PACS1: variants seen among roughly 807,000 people sequenced by gnomAD.
PACS1 encodes PACS-1.
In PACS1, 24 loss-of-function variants were observed where a neutral mutation model predicts 115.0. The observed-to-expected ratio is 0.21, with a 90% CI of 0.15 to 0.29. The LOEUF (loss-of-function observed/expected upper bound fraction) is 0.29. Ranked by LOEUF, PACS1 falls within the 10% of genes least tolerant of loss-of-function variation. PACS1 has a pLI of 1.00. For synonymous variants in PACS1, 453 were observed against 504.5 expected, an observed-to-expected ratio of 0.90 and a Z score of 1.37; for missense variants, 838 against 1,251.2, an observed-to-expected ratio of 0.67 and a Z score of 4.98.
intron 1 of PACS1, among the ~76,000 whole-genome samples, chr11:66,128,607 G>A (rs1280919781): frequency 6.6e-6 from 1 of 152,128 alleles, no homozygotes; most frequent in Non-Finnish European, 1.5e-5. Context: ...GTGAGGGCTG[G>A]GCACAGTGGC....
In PACS1 at chr11:66,236,380, C is replaced by T. The variant is rs746015935; in HGVS notation, c.2250+440C>T. Among the ~76,000 whole-genome samples, 10 of 152,190 alleles carry T rather than the reference C, an allele frequency of 6.6e-5. No individual in the cohort carries two copies. Among genetic ancestry groups the T allele is most frequent in the South Asian group, 2.1e-4 (1 of 4,834 alleles). ...GGGAGTGATGTCCAGACGTGGCTCA[C>T]GGGAAAGGGAGCTGCTTTGGTAGTA... is the stretch of plus-strand genomic sequence containing the variant. On this transcript the variant is annotated intron_variant, in intron 19 of 23. Transcript: ENST00000320580. This position sits in a 1 kb window ranked among gnomAD's most constrained non-coding sequence, Gnocchi z 4.2.
At position 66,070,370 on chromosome 11, in the gene PACS1, C is replaced by G; in HGVS notation, c.-117C>G. 2 of 521,682 alleles carry G rather than the reference C, an allele frequency of 3.8e-6. No homozygotes were observed. The highest frequency in any genetic ancestry group is 6.4e-4 in the Middle Eastern group (1 of 1,562). The allele number at this position is 521,682 out of a possible 1,614,324, so 32.3% of individuals were successfully genotyped here. ...GCGTGCGTGCAGCTCGCTGGCTGCT[C>G]GCGCTCGGGCAGGCGGGCTGAGGAG... is the stretch of plus-strand genomic sequence containing the variant. On this transcript the variant is annotated 5_prime_UTR_variant, in exon 1 of 24. Transcript: ENST00000320580. This position sits in a 1 kb window ranked among gnomAD's most constrained non-coding sequence, Gnocchi z 5.9.
intron 10 of PACS1, among the ~76,000 whole-genome samples, chr11:66,227,073 A>C (rs1855482774): frequency 6.6e-6 from 1 of 152,176 alleles, no homozygotes; most frequent in Admixed American, 6.5e-5. Flanking sequence ...GCTACCATGG[A>C]TGTCTTTAGT....
intron 11 of PACS1, among the ~76,000 whole-genome samples, chr11:66,228,887 TC>T (rs1299401998): frequency 2.6e-5 from 4 of 152,140 alleles, no homozygotes; most frequent in Non-Finnish European, 5.9e-5. Flanking sequence ...AGTTATGCCC[TC>T]AGTAAACATT....
intron 1 of PACS1, among the ~76,000 whole-genome samples, chr11:66,161,891 G>A (rs1199693127): frequency 6.6e-6 from 1 of 152,136 alleles, no homozygotes; most frequent in Non-Finnish European, 1.5e-5. Flanking sequence ...GATTCCAGGA[G>A]GAATGTGATG....
intron 1 of PACS1, among the ~76,000 whole-genome samples, chr11:66,169,144 CTAA>C (rs1859680689): frequency 6.6e-6 from 1 of 150,492 alleles, no homozygotes; most frequent in Non-Finnish European, 1.5e-5. Context: ...AGAGAACATT[CTAA>C]TGTTTCACTA....
intron 1 of PACS1, among the ~76,000 whole-genome samples, chr11:66,120,176 C>G (rs1799720739): frequency 7.9e-6 from 1 of 126,806 alleles, no homozygotes; most frequent in African/African-American, 3.0e-5. Context: ...GAGACAGAGT[C>G]TCGCTCTGTT....
intron 2 of PACS1, 78 bp from the exon 3 acceptor site, chr11:66,210,284 C>T: frequency 1.8e-6 from 2 of 1,083,502 alleles, no homozygotes; most frequent in Non-Finnish European, 2.9e-6. Flanking sequence ...AGTCCTTCTG[C>T]CTCAGCCTCC....
chr11:66,134,476 A>G (rs571254160), intron 1 of PACS1, among the ~76,000 whole-genome samples: 4 of 151,524 alleles, frequency 2.6e-5, no homozygotes, highest in East Asian at 1.9e-4. Context: ...CCCTACTTCT[A>G]GGATCCAAAT....
At chr11:66,096,123 G>A (rs1404263096) in intron 1 of PACS1, among the ~76,000 whole-genome samples, 2 of 151,444 alleles carry the variant, frequency 1.3e-5, no homozygotes, top group Non-Finnish European at 2.9e-5. Context: ...TAGTAGAGAC[G>A]GGGTTTTGCC....
At chr11:66,075,011 C>T (rs1022431766) in intron 1 of PACS1, among the ~76,000 whole-genome samples, 1 of 127,922 alleles carries the variant, frequency 7.8e-6, no homozygotes, top group African/African-American at 3.0e-5. Flanking sequence ...GGTGCAATCT[C>T]GGCTCACTGC....
intron 10 of PACS1, 104 bp downstream of exon 10, chr11:66,221,351 A>G: frequency 9.8e-7 from 1 of 1,020,890 alleles, no homozygotes; most frequent in South Asian, 1.3e-5. Flanking sequence ...GTGACCTTAG[A>G]AAAGTGGCCC....
Position 66,216,560 on chromosome 11 carries a change from A to T in PACS1, c.846A>T (p.Glu282Asp). 3 of 1,614,114 alleles carry T rather than the reference A, an allele frequency of 1.9e-6. No homozygotes were observed. The highest frequency in any genetic ancestry group is 2.5e-6 in the Non-Finnish European group (3 of 1,179,958). Residue 282 changes from glutamate (E) to aspartate (D), a missense_variant, in exon 6 of 24, where the codon GAA becomes GAT. Physicochemically the swap from Glu to Asp is conservative, Grantham distance 45. This residue lies in a region of PACS1 where 223 missense variants were observed against 354.0 expected (regional missense o/e 0.63). Coordinates refer to ENST00000320580, the MANE Select transcript of PACS1 (RefSeq NM_018026.4). ...PDIDNYSEEE[E>D]ESFSSEQEGS... Reference sequence around the variant, plus strand: ...TTGACAATTATTCTGAGGAAGAGGAAGAGAGTTTCTCATCAGAACAGGAAG... The same window carrying T: ...TTGACAATTATTCTGAGGAAGAGGATGAGAGTTTCTCATCAGAACAGGAAG...
chr11:66,243,784 G>C lies in PACS1; in HGVS notation c.*504G>C, dbSNP rs1440286490. ...CCAAGGCCACTTTCAACTCTTATGG[G>C]GTTCTCCACCTGCCCCAGAGCTTCT... On this transcript the variant is annotated 3_prime_UTR_variant, in exon 24 of 24. Transcript: ENST00000320580. The C allele has an allele frequency of 6.4e-6, 1 of 156,992 alleles. No homozygotes were observed. The highest frequency in any genetic ancestry group is 2.4e-5 in the African/African-American group (1 of 41,526). 9.7% of individuals were successfully genotyped at this position (156,992 alleles called of 1,614,324 possible).
At chr11:66,203,762 T>C (rs1012112927) in intron 2 of PACS1, among the ~76,000 whole-genome samples, 1 of 152,086 alleles carries the variant, frequency 6.6e-6, no homozygotes, top group Non-Finnish European at 1.5e-5. Flanking sequence ...GAAAGGACAA[T>C]CTCTTCAATA....
chr11:66,120,947 CCT>C (rs1439339637), intron 1 of PACS1: 3 of 452,184 alleles, frequency 6.6e-6, no homozygotes, highest in East Asian at 1.4e-4. Flanking sequence ...CCTGTGCACG[CCT>C]CTCTCTGCTT....
chr11:66,224,963 G>A (rs1855442603), intron 10 of PACS1, among the ~76,000 whole-genome samples: 1 of 152,174 alleles, frequency 6.6e-6, no homozygotes, highest in Non-Finnish European at 1.5e-5. Flanking sequence ...AATTTCTCCT[G>A]ATACGAATTA....
chr11:66,141,870 A>G, intron 1 of PACS1, among the ~76,000 whole-genome samples: 1 of 152,018 alleles, frequency 6.6e-6, no homozygotes, highest in Non-Finnish European at 1.5e-5. Flanking sequence ...GCAGTGGCAC[A>G]TCTCAGCTCA....
chr11:66,128,742 G>C (rs1217814506), intron 1 of PACS1, among the ~76,000 whole-genome samples: 1 of 151,976 alleles, frequency 6.6e-6, no homozygotes, highest in South Asian at 2.1e-4. Flanking sequence ...AAATTAGCCA[G>C]GCGTAGTGAC....
Sources: allele counts gnomAD v4.1 joint callset (sites outside exome capture counted in the v4.1 genomes callset), GRCh38; gene constraint gnomAD v4.1.1; regional missense constraint gnomAD v4.1.1; non-coding constraint Gnocchi (gnomAD v3.1); transcripts MANE v1.5; gene names NCBI Gene and HGNC (gene_info 2026-07-23, HGNC 2026-07-21).